The following SLC25A32 variants were observed in gnomAD, a reference collection of about 807,000 sequenced individuals.
SLC25A32 encodes solute carrier family 25 member 32.
SLC25A32 carries 32 observed loss-of-function variants against 39.0 expected under a neutral mutation model. That is an observed-to-expected ratio of 0.82 (90% CI 0.62 to 1.10). The LOEUF (loss-of-function observed/expected upper bound fraction) is 1.10. Ranked by LOEUF, SLC25A32 falls within the 50% of genes least tolerant of loss-of-function variation. The pLI is 0.00. For synonymous variants in SLC25A32, 166 were observed against 152.4 expected (o/e 1.09, Z -0.66); for missense variants, 367 against 395.3 (o/e 0.93, Z 0.61).
chr8:103,406,016 T>C (rs1348384656), intron 2 of SLC25A32, among the ~76,000 whole-genome samples: 2 of 151,902 alleles, frequency 1.3e-5, no homozygotes, highest in South Asian at 2.1e-4. Context: ...CCTTAGAAGC[T>C]GTCTTGAAGA....
chr8:103,413,962 A>C (rs1042290527), intron 1 of SLC25A32, among the ~76,000 whole-genome samples: 3 of 152,230 alleles, frequency 2.0e-5, no homozygotes, highest in African/African-American at 7.2e-5. Flanking sequence ...TTAAATTCTA[A>C]GTTCCCTGAA....
At position 103,414,953 on chromosome 8, in the gene SLC25A32, C is replaced by G; in HGVS notation, c.-16G>C. ...GGCCCGTCATAGGCTCGGGGCCCGT[C>G]GACACCACGGCGCCCAGGGCCGCGG... On this transcript the variant is annotated 5_prime_UTR_variant, in exon 1 of 7. Transcript: ENST00000297578. 1 of 1,593,180 alleles carries G rather than the reference C, an allele frequency of 6.3e-7. No homozygotes were observed. The highest frequency in any genetic ancestry group is 8.5e-7 in the Non-Finnish European group (1 of 1,170,206).
intron 1 of SLC25A32, among the ~76,000 whole-genome samples, chr8:103,410,560 C>T (rs762094597): frequency 2.0e-5 from 3 of 152,272 alleles, no homozygotes; most frequent in Middle Eastern, 3.4e-3. Context: ...ATCATCCATA[C>T]CTCCTCCACC....
At chr8:103,407,172 G>A (rs1816352309) in intron 2 of SLC25A32, among the ~76,000 whole-genome samples, 1 of 151,994 alleles carries the variant, frequency 6.6e-6, no homozygotes, top group Non-Finnish European at 1.5e-5. Context: ...ACACCGATGG[G>A]GCCCTACAAT....
At chr8:103,411,326 G>A (rs1816458707) in intron 1 of SLC25A32, among the ~76,000 whole-genome samples, 1 of 151,678 alleles carries the variant, frequency 6.6e-6, no homozygotes, top group African/African-American at 2.4e-5. Flanking sequence ...TATTTAAATA[G>A]ACTTAAGTCT....
intron 1 of SLC25A32, among the ~76,000 whole-genome samples, chr8:103,407,987 T>C (rs1586115540): frequency 6.8e-6 from 1 of 147,744 alleles, no homozygotes; most frequent in Non-Finnish European, 1.5e-5. Flanking sequence ...ATGTAAAATA[T>C]ACATTTTTGT....
chr8:103,406,738 T>G (rs1816340725), intron 2 of SLC25A32, among the ~76,000 whole-genome samples: 3 of 152,222 alleles, frequency 2.0e-5, no homozygotes, highest in South Asian at 2.1e-4. Context: ...GTGGTACCTA[T>G]TCATATGAGG....
At position 103,398,933 on chromosome 8, in the gene SLC25A32, A is replaced by G. The variant is rs1248857172; in HGVS notation, c.*1478T>C. The G allele has an allele frequency of 1.3e-5, 2 of 152,260 alleles. No homozygotes were observed. The highest frequency in any genetic ancestry group is 2.9e-5 in the Non-Finnish European group (2 of 68,036). The allele number at this position is 152,260 out of a possible 1,614,324, so 9.4% of individuals were successfully genotyped here. A position where few individuals can be genotyped will look rare whatever the true frequency, so the allele number is the denominator to read the frequency against. On this transcript the variant is annotated 3_prime_UTR_variant, in exon 7 of 7. Coordinates refer to ENST00000297578, the MANE Select transcript of SLC25A32 (RefSeq NM_030780.5). Reference sequence around the variant, plus strand: ...ATGCCTTTTCCAAAATATAAAAAAAAGACCTATTTTTAAAGAACTATTTAA... The same window carrying G: ...ATGCCTTTTCCAAAATATAAAAAAAGGACCTATTTTTAAAGAACTATTTAA...
chr8:103,411,733 C>T (rs1438134866), intron 1 of SLC25A32, among the ~76,000 whole-genome samples: 1 of 152,188 alleles, frequency 6.6e-6, no homozygotes, highest in African/African-American at 2.4e-5. Context: ...TAAGTGGCTT[C>T]AACTGCCATC....
Position 103,402,192 on chromosome 8 carries a change from A to T in SLC25A32, c.553-138T>A, listed in dbSNP as rs113103985. The T allele has an allele frequency of 1.1e-4, 63 of 574,212 alleles. 1 individual carries two copies. The highest frequency in any genetic ancestry group is 9.9e-4 in the African/African-American group (52 of 52,476). 35.6% of individuals were successfully genotyped at this position (574,212 alleles called of 1,614,324 possible). A position where few individuals can be genotyped will look rare whatever the true frequency, so the allele number is the denominator to read the frequency against. Reference sequence around the variant, plus strand: ...ATTTTGCACAAATCACATTTTTAAAATATGGGGTTAAAAACTTGTAATATA... The same window carrying T: ...ATTTTGCACAAATCACATTTTTAAATTATGGGGTTAAAAACTTGTAATATA... On this transcript the variant is annotated intron_variant, in intron 4 of 6. Coordinates refer to ENST00000297578, the MANE Select transcript of SLC25A32 (RefSeq NM_030780.5).
At chr8:103,402,980 T>G (rs1816249845) in intron 4 of SLC25A32, among the ~76,000 whole-genome samples, 184 bp downstream of exon 4, 1 of 152,176 alleles carries the variant, frequency 6.6e-6, no homozygotes, top group Non-Finnish European at 1.5e-5. Context: ...CCTATGTTAA[T>G]GGGGACAAAC....
chr8:103,414,028 G>C (rs918858513), intron 1 of SLC25A32, among the ~76,000 whole-genome samples: 2 of 152,190 alleles, frequency 1.3e-5, no homozygotes, highest in African/African-American at 2.4e-5. Flanking sequence ...CAAATATTAA[G>C]AGAATATAAA....
At chr8:103,405,283 A>G (rs1218307814) in intron 2 of SLC25A32, among the ~76,000 whole-genome samples, 3 of 152,222 alleles carry the variant, frequency 2.0e-5, no homozygotes, top group Admixed American at 6.5e-5. Flanking sequence ...ACAAGTGATG[A>G]ATTTTTCTTA....
chr8:103,405,118 G>A (rs1816301388), intron 2 of SLC25A32, among the ~76,000 whole-genome samples: 1 of 152,072 alleles, frequency 6.6e-6, no homozygotes, highest in Non-Finnish European at 1.5e-5. Context: ...AACTTCAAAA[G>A]ACAAGGAAAC....
chr8:103,404,766 A>G lies in SLC25A32; in HGVS notation c.391+10T>C, dbSNP rs1445656399. 3.1e-6 allele frequency: 5 copies of G among 1,597,766 alleles called. No homozygotes were observed. In the Admixed American group the frequency reaches 5.2e-5, roughly 16 times the overall value. On this transcript the variant is annotated intron_variant, in intron 3 of 6. Transcript: ENST00000297578. Reference sequence around the variant, plus strand: ...AAGGTGACATTTTTATATTTCACACATTGCCTTACCAGCTTCAGCAGCTGA... The same window carrying G: ...AAGGTGACATTTTTATATTTCACACGTTGCCTTACCAGCTTCAGCAGCTGA...
At position 103,410,267 on chromosome 8, in the gene SLC25A32, C is replaced by T. The variant is rs575242856; in HGVS notation, c.155-2483G>A. 8.5e-5 allele frequency among the ~76,000 whole-genome samples: 13 copies of T among 152,228 alleles called. No homozygotes were observed. The South Asian group carries it at 2.5e-3, about 29-fold the overall frequency. ...AATTTTTTTGGTCTAAATCAGGGGT[C>T]CCCAACTCCGGGTACCAATCCATGG... On this transcript the variant is annotated intron_variant, in intron 1 of 6. Coordinates refer to ENST00000297578, the MANE Select transcript of SLC25A32 (RefSeq NM_030780.5).
Position 103,401,527 on chromosome 8 carries a change from T to C in SLC25A32, c.801A>G (p.Thr267=), listed in dbSNP as rs201952067. The C allele has an allele frequency of 8.1e-6, 13 of 1,612,524 alleles. No individual in the cohort carries two copies. Among genetic ancestry groups the C allele is most frequent in the African/African-American group, 1.3e-5 (1 of 74,952 alleles). Reference sequence around the variant, plus strand: ...GCACGTGCTCTCACCTCCATGTCTTTGTGATTACATCTATTACACCACTGT... The same window carrying C: ...GCACGTGCTCTCACCTCCATGTCTTCGTGATTACATCTATTACACCACTGT... ...MFYSGVIDVI[T]KTWRKEGVGG... The change falls in exon 6 of 7, where the codon ACA becomes ACG. Residue 267 remains threonine (T), a synonymous_variant. Transcript: ENST00000297578.
chr8:103,402,225 G>T, intron 4 of SLC25A32, 171 bp from the exon 5 acceptor site: 2 of 505,404 alleles, frequency 4.0e-6, no homozygotes, highest in Non-Finnish European at 7.0e-6. Flanking sequence ...ATAAAGACAT[G>T]GGTAGTATTC....
chr8:103,401,039 TTCCTTTAGAATTAAA>T (rs1246341383), intron 6 of SLC25A32, among the ~76,000 whole-genome samples: 1 of 152,242 alleles, frequency 6.6e-6, no homozygotes. Context: ...TTCTCCTCTG[TTCCTTTAGAATTAAA>T]GGGAAATATG....
Sources: gnomAD v4.1 joint callset for allele counts (sites outside exome capture counted in the v4.1 genomes callset) on GRCh38, gnomAD v4.1.1 for gene constraint, MANE v1.5 for transcripts, NCBI Gene and HGNC (gene_info 2026-07-23, HGNC 2026-07-21) for gene names.